The following CFAP95 variants were observed in gnomAD, a reference collection of about 807,000 sequenced individuals.
CFAP95 encodes cilia and flagella associated protein 95, also known as cilia- and flagella-associated protein 95.
the CFAP95 span, among the ~76,000 whole-genome samples, chr9:69,850,739 A>T: frequency 6.6e-6 from 1 of 152,172 alleles, no homozygotes; most frequent in South Asian, 2.1e-4. Flanking sequence ...ATGTTTGGGG[A>T]TAGTAGGCTG....
chr9:69,896,553 A>G, the CFAP95 span, among the ~76,000 whole-genome samples: 2 of 152,188 alleles, frequency 1.3e-5, no homozygotes, highest in African/African-American at 2.4e-5. Flanking sequence ...TGCTCTGTTA[A>G]TATCTGTATT....
At chr9:69,903,111 T>G in the CFAP95 span, among the ~76,000 whole-genome samples, 1 of 152,198 alleles carries the variant, frequency 6.6e-6, no homozygotes, top group Non-Finnish European at 1.5e-5. Context: ...GTAATGCTAT[T>G]GTGTTTCTTA....
At chr9:69,856,559 G>A in the CFAP95 span, 1 of 1,589,310 alleles carries the variant, frequency 6.3e-7, no homozygotes, top group Non-Finnish European at 8.6e-7. Flanking sequence ...TTCCAGATTT[G>A]GACATCAGAA....
the CFAP95 span, among the ~76,000 whole-genome samples, chr9:69,848,894 C>T: frequency 1.8e-4 from 27 of 152,138 alleles, no homozygotes; most frequent in South Asian, 8.3e-4. Context: ...AGAAACGCCC[C>T]GGGACCTGTC....
chr9:69,894,820 G>A, the CFAP95 span, among the ~76,000 whole-genome samples: 1 of 152,102 alleles, frequency 6.6e-6, no homozygotes, highest in Non-Finnish European at 1.5e-5. Flanking sequence ...CCAGTACTTT[G>A]GAAGGCTGAG....
chr9:69,834,994 T>G, the CFAP95 span, among the ~76,000 whole-genome samples: 1 of 152,252 alleles, frequency 6.6e-6, no homozygotes, highest in African/African-American at 2.4e-5. Context: ...CCACGAAATC[T>G]TCAAAGAGTA....
At chr9:69,851,828 A>G in the CFAP95 span, among the ~76,000 whole-genome samples, 1 of 151,766 alleles carries the variant, frequency 6.6e-6, no homozygotes, top group Non-Finnish European at 1.5e-5. Flanking sequence ...TGATTGTGCC[A>G]CTACACTTCA....
At chr9:69,872,128 G>T in the CFAP95 span, among the ~76,000 whole-genome samples, 1 of 152,120 alleles carries the variant, frequency 6.6e-6, no homozygotes, top group African/African-American at 2.4e-5. Context: ...ACTCCTATCT[G>T]GTCTGTCTGA....
At chr9:69,858,210 T>C in the CFAP95 span, 2 of 505,556 alleles carry the variant, frequency 4.0e-6, no homozygotes, top group Non-Finnish European at 7.1e-6. Flanking sequence ...TGTAAATTTT[T>C]CTTCTCTGTA....
the CFAP95 span, among the ~76,000 whole-genome samples, chr9:69,832,063 TG>T: frequency 3.3e-5 from 5 of 152,180 alleles, no homozygotes; most frequent in African/African-American, 1.2e-4. Flanking sequence ...AACAAGGGTG[TG>T]AACAGCAACT....
the CFAP95 span, among the ~76,000 whole-genome samples, chr9:69,880,933 T>C: frequency 2.0e-5 from 3 of 152,232 alleles, no homozygotes; most frequent in Admixed American, 6.5e-5. Context: ...CCTTTTCATA[T>C]GCCTATTTGC....
the CFAP95 span, chr9:69,844,472 A>G: frequency 7.8e-7 from 1 of 1,287,844 alleles, no homozygotes; most frequent in Admixed American, 2.4e-5. Flanking sequence ...GCAATACAGA[A>G]TAAATAAACT....
At chr9:69,868,926 A>G in the CFAP95 span, among the ~76,000 whole-genome samples, 2 of 152,168 alleles carry the variant, frequency 1.3e-5, no homozygotes, top group Non-Finnish European at 2.9e-5. Flanking sequence ...TACCAGGCAA[A>G]TATAAATCAT....
the CFAP95 span, among the ~76,000 whole-genome samples, chr9:69,844,980 C>T: frequency 6.6e-6 from 1 of 152,142 alleles, no homozygotes; most frequent in Non-Finnish European, 1.5e-5. Flanking sequence ...AGGTATTAAC[C>T]ATCACTAATT....
the CFAP95 span, among the ~76,000 whole-genome samples, chr9:69,882,015 C>T: frequency 6.8e-6 from 1 of 147,594 alleles, no homozygotes; most frequent in Admixed American, 6.8e-5. Context: ...GACCGTCTTG[C>T]TCTGTCACCC....
the CFAP95 span, among the ~76,000 whole-genome samples, chr9:69,853,006 A>G: frequency 5.8e-3 from 876 of 152,312 alleles, 6 homozygotes; most frequent in African/African-American, 0.02. Context: ...TTTCTTCTGT[A>G]AATTACCCAG....
the CFAP95 span, among the ~76,000 whole-genome samples, chr9:69,834,399 A>C: frequency 1.6e-4 from 24 of 152,018 alleles, no homozygotes; most frequent in African/African-American, 5.8e-4. Flanking sequence ...GTTTTTCACC[A>C]CTCCTGGTGT....
At chr9:69,906,057 A>T in the CFAP95 span, 3 of 1,613,282 alleles carry the variant, frequency 1.9e-6, no homozygotes, top group Non-Finnish European at 8.5e-7. Context: ...ACTTGGCATG[A>T]TGAGAGTGGG....
chr9:69,859,291 C>T, the CFAP95 span, among the ~76,000 whole-genome samples: 3 of 152,028 alleles, frequency 2.0e-5, no homozygotes, highest in African/African-American at 7.2e-5. Context: ...GTTTCTTCAA[C>T]TCTACCATTG....
Sources: gnomAD v4.1 joint callset for allele counts (sites outside exome capture counted in the v4.1 genomes callset) on GRCh38, gnomAD v4.1.1 for gene constraint, MANE v1.5 for transcripts, NCBI Gene and HGNC (gene_info 2026-07-23, HGNC 2026-07-21) for gene names.